PLOD3: variants seen among roughly 807,000 people sequenced by gnomAD.
The protein encoded by PLOD3 is multifunctional procollagen lysine hydroxylase and glycosyltransferase LH3.
In PLOD3, 73 loss-of-function variants were observed where a neutral mutation model predicts 96.9. The observed-to-expected ratio is 0.75, with a 90% CI of 0.62 to 0.92. The LOEUF is 0.92. Among genes scored for constraint, PLOD3 ranks in the 40% least tolerant of loss-of-function variants. The probability of loss-of-function intolerance (pLI) is 0.00; values close to 1 mark genes in which losing one functional copy is unlikely to be tolerated. For missense variants in PLOD3, 1,004 were observed against 1,004.3 expected (o/e 1.00, Z 0.00); for synonymous variants, 454 against 413.7 (o/e 1.10, Z -1.18).
In PLOD3 at chr7:101,211,950, C is replaced by T. The variant is rs1231291965; in HGVS notation, c.1128G>A (p.Met376Ile). 6.3e-7 allele frequency: 1 copy of T among 1,599,508 alleles called. No individual in the cohort carries two copies. The highest frequency in any genetic ancestry group is 1.1e-5 in the South Asian group (1 of 89,274). ...ACTCGGGGTCCTGCCGACACAGGTC[C>T]CTGGAGGTGAGAGGCGAGCTGAGAC... ...LSPGEARDMA[M>I]DLCRQDPECE... The change falls in exon 11 of 19, where the codon ATG becomes ATA. Residue 376 changes from methionine to isoleucine, a missense_variant and splice_region_variant. Physicochemically the swap from Met to Ile is conservative, Grantham distance 10. This residue lies in a region of PLOD3 where 690 missense variants were observed against 650.2 expected (regional missense o/e 1.06). Transcript: ENST00000223127.
At chr7:101,211,763 G>A (rs369124067) in intron 11 of PLOD3, 47 bp from the exon 12 acceptor site, 40 of 1,593,098 alleles carry the variant, frequency 2.5e-5, no homozygotes, top group Non-Finnish European at 3.2e-5. Context: ...AGCAGGCCTG[G>A]GGAGCCCGGT....
Position 101,206,278 on chromosome 7 carries a change from G to A in PLOD3, c.*3C>T, listed in dbSNP as rs1261997773. ...AGGGCAGGTTTGGCAGAGTGGTTGA[G>A]TGTCAGGGGTCGACAAAGGACACCA... On this transcript the variant is annotated 3_prime_UTR_variant, in exon 19 of 19. Coordinates refer to ENST00000223127, the MANE Select transcript of PLOD3 (RefSeq NM_001084.5). 3.1e-6 allele frequency: 5 copies of A among 1,613,834 alleles called. No individual in the cohort carries two copies. The highest frequency in any genetic ancestry group is 3.3e-5 in the Admixed American group (2 of 60,020).
In PLOD3 at chr7:101,215,941, G is replaced by C; in HGVS notation, c.582C>G (p.Phe194Leu). ...CTGGGTCCAGGTAGAGCCGTGTGTA[G>C]AACAGCTGGTCGTCGTCATCATCCT... ...KYKDDDDDQLFYTRLYLDPGL... is the reference protein window; with the variant it reads ...KYKDDDDDQLLYTRLYLDPGL... Residue 194 changes from phenylalanine (F) to leucine (L), a missense_variant, in exon 5 of 19, where the codon TTC becomes TTG. By Grantham distance (22) the Phe-to-Leu change is conservative. Coordinates refer to ENST00000223127, the MANE Select transcript of PLOD3 (RefSeq NM_001084.5). 1 of 1,613,888 alleles carries C rather than the reference G, an allele frequency of 6.2e-7. No homozygotes were observed. Among genetic ancestry groups the C allele is most frequent in the Non-Finnish European group, 8.5e-7 (1 of 1,179,786 alleles).
In PLOD3 at chr7:101,217,445, A is replaced by G; in HGVS notation, c.-171T>C. 1 of 584,534 alleles carries G rather than the reference A, an allele frequency of 1.7e-6. No individual in the cohort carries two copies. Among genetic ancestry groups the G allele is most frequent in the Non-Finnish European group, 2.7e-6 (1 of 371,550 alleles). The allele number at this position is 584,534 out of a possible 1,614,324, so 36.2% of individuals were successfully genotyped here. On this transcript the variant is annotated 5_prime_UTR_variant, in exon 1 of 19. Coordinates refer to ENST00000223127, the MANE Select transcript of PLOD3 (RefSeq NM_001084.5). Reference sequence around the variant, plus strand: ...TGAAAAAAAGGCGTATCCGGAGGCTACAGAAAGCTCCAGATGCCGGCGCCA... The same window carrying G: ...TGAAAAAAAGGCGTATCCGGAGGCTGCAGAAAGCTCCAGATGCCGGCGCCA...
rs770446713 is a variant in PLOD3, at chr7:101,212,645, CG to C, written c.889del (p.Arg297GlyfsTer61). 5.6e-6 allele frequency: 9 copies of C among 1,613,468 alleles called. No homozygotes were observed. The highest frequency in any genetic ancestry group is 7.6e-6 in the Non-Finnish European group (9 of 1,179,804). On this transcript the variant is annotated frameshift_variant, in exon 9 of 19. Transcript: ENST00000223127. LOFTEE classifies it high-confidence loss of function. The stretch of plus-strand genomic sequence containing the variant: ...TTCCACAAACACGGCCAGAAACACC[CG>C]GGGGGGAGGCTGGAAGATGCAACAC... ...RTLPGGQPPP[R>X]VFLAVFVEQP...
At position 101,210,580 on chromosome 7, in the gene PLOD3, G is replaced by A; in HGVS notation, c.1452C>T (p.Gly484=). The change falls in exon 13 of 19, where the codon GGC becomes GGT. Residue 484 remains glycine (G), a synonymous_variant. Transcript: ENST00000223127. ...AGGCCATGTCCGGGTCTGTGTCACT[G>A]CCCGAGAACACATCCCTCTGGGGCA... ...MELPQRDVFS[G]SDTDPDMAFC... 6.2e-7 allele frequency: 1 copy of A among 1,614,202 alleles called. No individual in the cohort carries two copies. The highest frequency in any genetic ancestry group is 8.5e-7 in the Non-Finnish European group (1 of 1,180,032).
intron 15 of PLOD3, chr7:101,209,849 CTTT>C: frequency 2.1e-6 from 1 of 475,008 alleles, no homozygotes; most frequent in Admixed American, 3.8e-5. Flanking sequence ...CCCCATTCTT[CTTT>C]TAAGATGTGA....
Position 101,206,104 on chromosome 7 carries a change from G to A in PLOD3, c.*177C>T, listed in dbSNP as rs541874165. On this transcript the variant is annotated 3_prime_UTR_variant, in exon 19 of 19. Transcript: ENST00000223127. ...GGCGGAGGAGAGAGGCGGGGACTCC[G>A]GGAGCTTCCTGAGAGGGCCGTGTCT... is the stretch of plus-strand genomic sequence containing the variant. The A allele has an allele frequency of 5.6e-5, 41 of 729,600 alleles. No individual in the cohort carries two copies. Among genetic ancestry groups the A allele is most frequent in the African/African-American group, 4.6e-4 (27 of 58,218 alleles). The allele number at this position is 729,600 out of a possible 1,614,324, so 45.2% of individuals were successfully genotyped here.
At position 101,206,013 on chromosome 7, in the gene PLOD3, C is replaced by T; in HGVS notation, c.*268G>A. On this transcript the variant is annotated 3_prime_UTR_variant, in exon 19 of 19. Coordinates refer to ENST00000223127, the MANE Select transcript of PLOD3 (RefSeq NM_001084.5). ...AAACTGTCCTTTATTCAGAGTGAGA[C>T]TGCGGAACATTAATAATTTATCACG... is the stretch of plus-strand genomic sequence containing the variant. 1 of 561,880 alleles carries T rather than the reference C, an allele frequency of 1.8e-6. No individual in the cohort carries two copies. The highest frequency in any genetic ancestry group is 3.2e-6 in the Non-Finnish European group (1 of 313,272). The allele number at this position is 561,880 out of a possible 1,614,324, so 34.8% of individuals were successfully genotyped here.
At position 101,210,123 on chromosome 7, in the gene PLOD3, C is replaced by G; in HGVS notation, c.1653G>C (p.Arg551=). The G allele has an allele frequency of 6.2e-7, 1 of 1,605,928 alleles. No individual in the cohort carries two copies. The highest frequency in any genetic ancestry group is 8.5e-7 in the Non-Finnish European group (1 of 1,176,464). Residue 551 remains arginine (R), a synonymous_variant, in exon 15 of 19, where the codon CGG becomes CGC. Coordinates refer to ENST00000223127, the MANE Select transcript of PLOD3 (RefSeq NM_001084.5). ...KEQYIHENYS[R]ALEGEGIVEQ... The stretch of plus-strand genomic sequence containing the variant: ...CCACGATTCCTTCCCCTTCCAGGGC[C>G]CGGCTGTAGTTCTCGTGGATGTACT...
rs773544644 is a variant in PLOD3, at chr7:101,211,838, T to G, written c.1232+8A>C. On this transcript the variant is annotated splice_region_variant and intron_variant, in intron 11 of 18. Coordinates refer to ENST00000223127, the MANE Select transcript of PLOD3 (RefSeq NM_001084.5). ...GCCCTCCGGCTGCGGGGAGAGGGGG[T>G]AAGCCACCTGTTCTCCTCAATGAGG... The G allele has an allele frequency of 2.0e-5, 32 of 1,606,154 alleles. No individual in the cohort carries two copies. The highest frequency in any genetic ancestry group is 1.5e-4 in the South Asian group (14 of 90,398).
chr7:101,206,497 G>A, intron 18 of PLOD3, 61 bp from the exon 19 acceptor site: 1 of 1,488,102 alleles, frequency 6.7e-7, no homozygotes, highest in Non-Finnish European at 9.1e-7. Context: ...GGAGCAGGCA[G>A]ATACACGGGG....
At chr7:101,209,232 G>C (rs1383757652) in intron 15 of PLOD3, among the ~76,000 whole-genome samples, 2 of 151,470 alleles carry the variant, frequency 1.3e-5, no homozygotes, top group Admixed American at 1.3e-4. Flanking sequence ...TTTGAGATAG[G>C]GTATTGCTCT....
chr7:101,206,470 G>A, intron 18 of PLOD3, 34 bp from the exon 19 acceptor site: 1 of 1,560,354 alleles, frequency 6.4e-7, no homozygotes, highest in South Asian at 1.2e-5. Flanking sequence ...CATGGAGTGA[G>A]CAGACGTGGG....
rs1224893368 is a variant in PLOD3, at chr7:101,206,378, C to T, written c.2120G>A (p.Trp707Ter). ...GAGGCGGCCGGGGTGCAGGAGTGCC[C>T]AGCCCTTCCTCGGGGAGGAGATCAC... ...DCVISSPRKG[W>*]ALLHPGRLTH... The change falls in exon 19 of 19, where the codon TGG (tryptophan) becomes TAG (stop). Residue 707 changes from tryptophan to a stop codon, truncating the protein, a stop_gained. Coordinates refer to ENST00000223127, the MANE Select transcript of PLOD3 (RefSeq NM_001084.5). LOFTEE classifies it low-confidence loss of function (END_TRUNC). 1.9e-6 allele frequency: 3 copies of T among 1,613,738 alleles called. No individual in the cohort carries two copies. The highest frequency in any genetic ancestry group is 2.2e-5 in the South Asian group (2 of 91,080).
rs745610400 is a variant in PLOD3 at position 101,216,799 on chromosome 7, G to A, written c.110-13C>T. 19 of 1,594,532 alleles carry A rather than the reference G, an allele frequency of 1.2e-5. No homozygotes were observed. The highest frequency in any genetic ancestry group is 1.6e-5 in the Non-Finnish European group (19 of 1,162,726). On this transcript the variant is annotated splice_polypyrimidine_tract_variant and intron_variant, in intron 1 of 18. Coordinates refer to ENST00000223127, the MANE Select transcript of PLOD3 (RefSeq NM_001084.5). ...ACCAGCAGCTTCTCTGTTACCAGAG[G>A]GAAATGGCACTTGAGATCCACCGCC...
At chr7:101,210,718 A>G in intron 12 of PLOD3, 45 bp from the exon 13 acceptor site, 2 of 1,609,876 alleles carry the variant, frequency 1.2e-6, no homozygotes, top group Non-Finnish European at 1.7e-6. Context: ...CAGCCCCCCA[A>G]ATTCTGCCCA....
rs143644932 is a variant in PLOD3 at position 101,207,701 on chromosome 7, G to A, written c.1812C>T (p.Tyr604=). 2.5e-4 allele frequency: 410 copies of A among 1,613,910 alleles called. No individual in the cohort carries two copies. The highest frequency in any genetic ancestry group is 1.2e-3 in the Middle Eastern group (7 of 6,058). The change falls in exon 17 of 19, where the codon TAC becomes TAT. Residue 604 remains tyrosine, a synonymous_variant. Transcript: ENST00000223127. ...GGATGTCCACGGTGGGCACATTCTC[G>A]TAGCCTCCAGCCAGCCTTGAATCCT... ...RHEDSRLAGG[Y]ENVPTVDIHM...
intron 1 of PLOD3, 140 bp downstream of exon 1, chr7:101,217,026 T>C: frequency 1.1e-5 from 11 of 992,338 alleles, no homozygotes; most frequent in Non-Finnish European, 1.6e-5. Flanking sequence ...GCGAGGGGCT[T>C]GGCGCGACTC....
Sources: allele counts gnomAD v4.1 joint callset (sites outside exome capture counted in the v4.1 genomes callset), GRCh38; gene constraint gnomAD v4.1.1; regional missense constraint gnomAD v4.1.1; transcripts MANE v1.5; gene names NCBI Gene and HGNC (gene_info 2026-07-23, HGNC 2026-07-21).